ADAMTS20: variants seen among roughly 807,000 people sequenced by gnomAD.
ADAMTS20 encodes ADAM metallopeptidase with thrombospondin type 1 motif 20.
ADAMTS20 carries 225 observed loss-of-function variants against 260.1 expected under a neutral mutation model. That is an observed-to-expected ratio of 0.87 (90% CI 0.78 to 0.97). The LOEUF is 0.97. Ranked by LOEUF, ADAMTS20 falls within the 50% of genes least tolerant of loss-of-function variation. The pLI is 0.00. For synonymous variants in ADAMTS20, 802 were observed against 769.5 expected (o/e 1.04, Z -0.70); for missense variants, 2,400 against 2,337.7 (o/e 1.03, Z -0.55).
intron 31 of ADAMTS20, among the ~76,000 whole-genome samples, chr12:43,379,887 G>A (rs187522385): frequency 6.6e-6 from 1 of 152,112 alleles, no homozygotes; most frequent in Admixed American, 6.5e-5. Context: ...AGAAGAATTA[G>A]CACCAAGTCT....
intron 3 of ADAMTS20, among the ~76,000 whole-genome samples, chr12:43,522,510 G>A (rs1943086295): frequency 6.6e-6 from 1 of 152,154 alleles, no homozygotes; most frequent in South Asian, 2.1e-4. Context: ...TGAGATGAGA[G>A]GGACAGAGTG....
In ADAMTS20 at chr12:43,466,815, C is replaced by G. The variant is rs781328146; in HGVS notation, c.1224-20G>C. On this transcript the variant is annotated intron_variant, in intron 8 of 38. Transcript: ENST00000389420. Reference sequence around the variant, plus strand: ...CCAAGTCTAAAAATAAAAATAAACACTTAAAAGGAATATCAAAAGATGCTT... The same window carrying G: ...CCAAGTCTAAAAATAAAAATAAACAGTTAAAAGGAATATCAAAAGATGCTT... 1.3e-6 allele frequency: 2 copies of G among 1,541,952 alleles called. No homozygotes were observed. Among genetic ancestry groups the G allele is most frequent in the African/African-American group, 2.8e-5 (2 of 72,504 alleles).
intron 36 of ADAMTS20, among the ~76,000 whole-genome samples, chr12:43,371,897 T>G (rs1211241016): frequency 6.6e-6 from 1 of 152,064 alleles, no homozygotes; most frequent in Non-Finnish European, 1.5e-5. Context: ...CATGTGGGTG[T>G]GGAAGAAAGG....
intron 4 of ADAMTS20, among the ~76,000 whole-genome samples, chr12:43,497,363 G>A (rs1391756356): frequency 6.6e-6 from 1 of 152,082 alleles, no homozygotes; most frequent in Non-Finnish European, 1.5e-5. Context: ...TCTAGATAGA[G>A]CTTTAGCAAA....
chr12:43,466,775 T>C lies in ADAMTS20; in HGVS notation c.1244A>G (p.Asp415Gly). 5 of 1,601,952 alleles carry C rather than the reference T, an allele frequency of 3.1e-6. No homozygotes were observed. The African/African-American group carries it at 5.4e-5, about 17-fold the overall frequency. The change falls in exon 9 of 39, where the codon GAT becomes GGT. Residue 415 changes from aspartate (D) to glycine (G), a missense_variant. Asp to Gly is a moderately conservative substitution (Grantham distance 94). Transcript: ENST00000389420. ...TTTCATTTCTTTACATCTAGGATTA[T>C]CATCATGTTGAACACCAAGTCTAAA... ...LGHTLGVQHDDNPRCKEMKVT... is the reference protein window; with the variant it reads ...LGHTLGVQHDGNPRCKEMKVT...
chr12:43,538,998 A>C (rs1028550523), intron 2 of ADAMTS20, among the ~76,000 whole-genome samples: 3 of 144,438 alleles, frequency 2.1e-5, no homozygotes, highest in African/African-American at 7.9e-5. Context: ...TATCACACAG[A>C]CTGGAGTGCA....
intron 31 of ADAMTS20, among the ~76,000 whole-genome samples, chr12:43,381,550 G>T (rs1340649262): frequency 6.6e-6 from 1 of 151,016 alleles, no homozygotes; most frequent in African/African-American, 2.4e-5. Flanking sequence ...TGGAGGTCCA[G>T]GAGGGATGAT....
intron 28 of ADAMTS20, among the ~76,000 whole-genome samples, chr12:43,404,613 T>C (rs58467360): frequency 1.4e-3 from 207 of 152,364 alleles, no homozygotes; most frequent in African/African-American, 4.8e-3. Flanking sequence ...TTTCATTTGC[T>C]ACTACATCAT....
At chr12:43,414,069 A>G (rs1330119136) in intron 28 of ADAMTS20, among the ~76,000 whole-genome samples, 1 of 152,200 alleles carries the variant, frequency 6.6e-6, no homozygotes, top group Non-Finnish European at 1.5e-5. Context: ...TCTACTGAAT[A>G]AATAAACTTA....
intron 18 of ADAMTS20, 96 bp from the exon 19 acceptor site, chr12:43,434,467 G>A (rs886313839): frequency 9.0e-5 from 117 of 1,295,724 alleles, no homozygotes; most frequent in Non-Finnish European, 1.1e-4. Context: ...AAAGGAGCCA[G>A]CTAAGCAAGT....
chr12:43,415,840 C>T (rs1025894041), intron 28 of ADAMTS20, among the ~76,000 whole-genome samples: 2 of 152,096 alleles, frequency 1.3e-5, no homozygotes, highest in African/African-American at 4.8e-5. Context: ...TTGGTAAAGT[C>T]AAGATTATAT....
At chr12:43,479,003 A>G (rs1038902386) in intron 7 of ADAMTS20, among the ~76,000 whole-genome samples, 6 of 152,168 alleles carry the variant, frequency 3.9e-5, no homozygotes, top group Non-Finnish European at 5.9e-5. Flanking sequence ...AACTCAGGGT[A>G]GTTAAGTATC....
At chr12:43,399,570 A>G (rs1486229992) in intron 28 of ADAMTS20, among the ~76,000 whole-genome samples, 2 of 152,150 alleles carry the variant, frequency 1.3e-5, no homozygotes, top group African/African-American at 4.8e-5. Flanking sequence ...TTATCATCCA[A>G]TAAAACTTGT....
At chr12:43,528,997 A>G (rs1457622589) in intron 3 of ADAMTS20, among the ~76,000 whole-genome samples, 1 of 152,196 alleles carries the variant, frequency 6.6e-6, no homozygotes, top group Non-Finnish European at 1.5e-5. Flanking sequence ...GGCAAAGTCC[A>G]TGAATAGACA....
chr12:43,361,801 CTTATG>C (rs1211256162), intron 37 of ADAMTS20, among the ~76,000 whole-genome samples: 2 of 152,120 alleles, frequency 1.3e-5, no homozygotes, highest in African/African-American at 4.8e-5. Flanking sequence ...AATAATTGGA[CTTATG>C]TTAAGGTATT....
chr12:43,369,837 A>T (rs1940068307), intron 36 of ADAMTS20, among the ~76,000 whole-genome samples: 1 of 152,022 alleles, frequency 6.6e-6, no homozygotes, highest in Admixed American at 6.5e-5. Context: ...AAAGTATGCC[A>T]TTTTCTTTTT....
chr12:43,437,018 C>T (rs1485586591), intron 18 of ADAMTS20, among the ~76,000 whole-genome samples: 1 of 152,126 alleles, frequency 6.6e-6, no homozygotes, highest in Non-Finnish European at 1.5e-5. Flanking sequence ...ACTTTTAGTA[C>T]TTTTAAAATA....
chr12:43,512,223 A>G, intron 3 of ADAMTS20, among the ~76,000 whole-genome samples: 1 of 149,558 alleles, frequency 6.7e-6, no homozygotes, highest in East Asian at 1.9e-4. Flanking sequence ...AATTTTATAT[A>G]AGATAATATT....
At chr12:43,444,012 A>C (rs1941716171) in intron 15 of ADAMTS20, 129 bp from the exon 16 acceptor site, 1 of 662,136 alleles carries the variant, frequency 1.5e-6, no homozygotes, top group Admixed American at 2.3e-5. Context: ...ACAAAATTAC[A>C]CAGTGGTTAT....
Sources: gnomAD v4.1 joint callset for allele counts (sites outside exome capture counted in the v4.1 genomes callset) on GRCh38, gnomAD v4.1.1 for gene constraint, MANE v1.5 for transcripts, NCBI Gene and HGNC (gene_info 2026-07-23, HGNC 2026-07-21) for gene names.